Variants in DOCK11 observed in about 807,000 individuals in gnomAD.
DOCK11 encodes the protein dedicator of cytokinesis 11, also known as dedicator of cytokinesis protein 11.
In DOCK11, 70 loss-of-function variants were observed where a neutral mutation model predicts 169.1. The observed-to-expected ratio is 0.41, with a 90% confidence interval of 0.34 to 0.51. DOCK11 has a LOEUF of 0.51. DOCK11 is among the 20% of genes least tolerant of loss of function. The probability of loss-of-function intolerance (pLI) is 0.10; values close to 1 mark genes in which losing one functional copy is unlikely to be tolerated. For synonymous variants in DOCK11, 529 were observed against 541.3 expected (o/e 0.98, Z 0.32); for missense variants, 1,166 against 1,538.8 (o/e 0.76, Z 4.05).
intron 7 of DOCK11, among the ~76,000 whole-genome samples, chrX:118,562,322 T>C (rs904217977): frequency 4.5e-5 from 5 of 111,481 alleles, no homozygotes; most frequent in African/African-American, 1.6e-4. Context: ...CAAGTCTCTT[T>C]GAGTCTGGCT....
chrX:118,554,265 G>A (rs1458581191), intron 6 of DOCK11, among the ~76,000 whole-genome samples: 1 of 111,737 alleles, frequency 8.9e-6, no homozygotes, highest in Non-Finnish European at 1.9e-5. Flanking sequence ...TTTTGGGAAG[G>A]TGGGCTGGGC....
chrX:118,647,912 TA>T (rs1330118925), intron 40 of DOCK11, among the ~76,000 whole-genome samples: 2 of 47,535 alleles, frequency 4.2e-5, no homozygotes, highest in African/African-American at 1.8e-4. Context: ...TTATATATTA[TA>T]ATATTATATA....
At chrX:118,672,503 G>A (rs928752994) in intron 46 of DOCK11, among the ~76,000 whole-genome samples, 1 of 112,776 alleles carries the variant, frequency 8.9e-6, no homozygotes, top group Non-Finnish European at 1.9e-5. Context: ...CGCTATCTCG[G>A]CTCACTGCAA....
intron 1 of DOCK11, among the ~76,000 whole-genome samples, chrX:118,534,973 G>A (rs1227746424): frequency 1.8e-5 from 2 of 111,606 alleles, no homozygotes; most frequent in Non-Finnish European, 3.8e-5. Flanking sequence ...GATGACAAAT[G>A]CTAAATTGGA....
At chrX:118,598,798 T>C (rs1319809274) in intron 22 of DOCK11, among the ~76,000 whole-genome samples, 1 of 112,269 alleles carries the variant, frequency 8.9e-6, no homozygotes, top group Non-Finnish European at 1.9e-5. Context: ...GTTCACATCT[T>C]TATTATTTAT....
Position 118,608,373 on chromosome X carries a change from C to A in DOCK11, c.2877+17C>A. 8.4e-7 allele frequency: 1 copy of A among 1,184,374 alleles called. No homozygotes were observed. Among genetic ancestry groups the A allele is most frequent in the Non-Finnish European group, 1.1e-6 (1 of 883,740 alleles). ...TTGCTAAAGGTATGAACACAGGACA[C>A]AACAAGGAACAAAAGCAGCCATAGA... On this transcript the variant is annotated intron_variant, in intron 26 of 52. Coordinates refer to ENST00000276202, the MANE Select transcript of DOCK11 (RefSeq NM_144658.4).
chrX:118,676,143 G>C (rs2016603988), intron 47 of DOCK11, 94 bp downstream of exon 47: 3 of 560,957 alleles, frequency 5.3e-6, no homozygotes, highest in South Asian at 6.2e-5. Flanking sequence ...TCCAGATAGA[G>C]TGCCTATTAC....
intron 37 of DOCK11, among the ~76,000 whole-genome samples, chrX:118,638,508 T>C (rs2015447526): frequency 8.9e-6 from 1 of 111,869 alleles, no homozygotes; most frequent in Non-Finnish European, 1.9e-5. Context: ...CCAACAGCAA[T>C]TGGGACATAA....
intron 1 of DOCK11, among the ~76,000 whole-genome samples, chrX:118,534,240 AT>A (rs1235326191): frequency 1.8e-5 from 2 of 112,214 alleles, no homozygotes; most frequent in South Asian, 7.4e-4. Context: ...TTTTGGCTAA[AT>A]TGAGTTTTGG....
At chrX:118,507,029 C>T (rs1389334155) in intron 1 of DOCK11, among the ~76,000 whole-genome samples, 2 of 112,502 alleles carry the variant, frequency 1.8e-5, no homozygotes, top group African/African-American at 6.5e-5. Context: ...TGTGTGCAGC[C>T]TTGCACAATC....
At position 118,654,754 on chromosome X, in the gene DOCK11, G is replaced by A; in HGVS notation, c.4848G>A (p.Glu1616=). Residue 1616 remains glutamate, a synonymous_variant, in exon 43 of 53, where the codon GAG becomes GAA. Transcript: ENST00000276202. ...CCAAGTCCTATGCAAGCACCCCAGA[G>A]CTCAGGAAAACCTGGCTTGATAGCA... is the stretch of plus-strand genomic sequence containing the variant. ...SLAKSYASTP[E]LRKTWLDSMA... The A allele has an allele frequency of 8.3e-7, 1 of 1,211,749 alleles. No individual in the cohort carries two copies.
intron 44 of DOCK11, 124 bp from the exon 45 acceptor site, chrX:118,662,562 C>A: frequency 2.5e-6 from 1 of 407,370 alleles, no homozygotes; most frequent in Non-Finnish European, 4.3e-6. Context: ...GAAAATTGTA[C>A]TTAAGACTTT....
rs376495715 is a variant in DOCK11 at position 118,649,221 on chromosome X, A to G, written c.4581+94A>G. The G allele has an allele frequency of 6.1e-5, 43 of 701,664 alleles. 1 individual carries two copies. Among genetic ancestry groups the G allele is most frequent in the Middle Eastern group, 7.1e-4 (2 of 2,809 alleles). The allele number at this position is 701,664 out of a possible 1,213,427, so 57.8% of individuals were successfully genotyped here. On this transcript the variant is annotated intron_variant, in intron 41 of 52. Coordinates refer to ENST00000276202, the MANE Select transcript of DOCK11 (RefSeq NM_144658.4). ...GAGCCACCCAATCCAGTCCAATACA[A>G]TGTGGCCATCTAGCACTTGATGTGT...
chrX:118,566,687 G>A (rs978089507), intron 9 of DOCK11, 34 bp downstream of exon 9: 1 of 1,122,069 alleles, frequency 8.9e-7, no homozygotes, highest in Non-Finnish European at 1.2e-6. Flanking sequence ...GCCTTCAACT[G>A]AGATAATGCA....
In DOCK11 at chrX:118,520,540, G is replaced by T. The variant is rs1268946423; in HGVS notation, c.103-22185G>T. ...TAGAAGATGCCTTGCATTAGTGCTGGGAGATGGATTGCATTCCTGTACTTC... is the reference window on the plus strand; with the variant it reads ...TAGAAGATGCCTTGCATTAGTGCTGTGAGATGGATTGCATTCCTGTACTTC... On this transcript the variant is annotated intron_variant, in intron 1 of 52. Coordinates refer to ENST00000276202, the MANE Select transcript of DOCK11 (RefSeq NM_144658.4). Among the ~76,000 whole-genome samples the T allele has an allele frequency of 2.7e-5, 3 of 112,372 alleles. No homozygotes were observed. The East Asian group carries it at 8.4e-4, about 31-fold the overall frequency.
chrX:118,584,960 A>T (rs2013775241), intron 15 of DOCK11, 81 bp from the exon 16 acceptor site: 3 of 1,147,680 alleles, frequency 2.6e-6, no homozygotes, highest in Non-Finnish European at 1.2e-6. Context: ...GAATGATTAA[A>T]ATTGTAAGTT....
chrX:118,672,681 C>T (rs1401468470), intron 46 of DOCK11, among the ~76,000 whole-genome samples: 4 of 112,794 alleles, frequency 3.5e-5, no homozygotes, highest in South Asian at 3.6e-4. Flanking sequence ...GTGATGCGCC[C>T]GCCTTGGCCT....
intron 1 of DOCK11, among the ~76,000 whole-genome samples, chrX:118,506,492 C>G (rs950457566): frequency 1.8e-5 from 2 of 109,911 alleles, no homozygotes; most frequent in African/African-American, 6.6e-5. Flanking sequence ...ATGGTAAAAC[C>G]CTGTCTCTAC....
chrX:118,508,390 T>G (rs2057628193), intron 1 of DOCK11, among the ~76,000 whole-genome samples: 1 of 111,723 alleles, frequency 9.0e-6, no homozygotes, highest in Admixed American at 9.6e-5. Context: ...GCTTTATGCC[T>G]TGCAGGGCCT....
Sources: gnomAD v4.1 joint callset for allele counts (sites outside exome capture counted in the v4.1 genomes callset) on GRCh38, gnomAD v4.1.1 for gene constraint, MANE v1.5 for transcripts, NCBI Gene and HGNC (gene_info 2026-07-23, HGNC 2026-07-21) for gene names.